Variants in KIAA0825 observed in about 807,000 individuals in gnomAD.
KIAA0825 encodes the protein KIAA0825.
In KIAA0825, 119 loss-of-function variants were observed where a neutral mutation model predicts 147.6. That is an observed-to-expected ratio of 0.81 (90% CI 0.69 to 0.94). The LOEUF is 0.94. KIAA0825 is among the 40% of genes least tolerant of loss of function. KIAA0825 has a pLI of 0.00. For synonymous variants in KIAA0825, 470 were observed against 518.1 expected, an observed-to-expected ratio of 0.91 and a Z score of 1.26; for missense variants, 1,381 against 1,472.7, an observed-to-expected ratio of 0.94 and a Z score of 1.02.
At chr5:94,214,935 T>C (rs1236072245) in intron 20 of KIAA0825, among the ~76,000 whole-genome samples, 1 of 152,192 alleles carries the variant, frequency 6.6e-6, no homozygotes, top group Non-Finnish European at 1.5e-5. Context: ...ATTATACACA[T>C]GAAATGCAAC....
chr5:94,275,211 G>C (rs534985786), intron 20 of KIAA0825, among the ~76,000 whole-genome samples: 2 of 152,198 alleles, frequency 1.3e-5, no homozygotes, highest in African/African-American at 4.8e-5. Flanking sequence ...TTATAATCTA[G>C]ATATACAGAT....
At chr5:94,386,208 C>A in intron 19 of KIAA0825, 34 bp downstream of exon 19, 1 of 1,517,406 alleles carries the variant, frequency 6.6e-7, no homozygotes. Flanking sequence ...AAAGAAACCA[C>A]ACATTTAAAT....
At chr5:94,408,643 G>A (rs1357524151) in intron 15 of KIAA0825, among the ~76,000 whole-genome samples, 1 of 152,102 alleles carries the variant, frequency 6.6e-6, no homozygotes, top group Non-Finnish European at 1.5e-5. Flanking sequence ...AAAGTGTTGG[G>A]ATTACAGGCA....
intron 1 of KIAA0825, among the ~76,000 whole-genome samples, chr5:94,604,019 C>A (rs563314831): frequency 3.3e-5 from 5 of 152,222 alleles, no homozygotes; most frequent in African/African-American, 1.2e-4. Flanking sequence ...GATAGATGAA[C>A]AAGACAGAAA....
At position 94,152,054 on chromosome 5, in the gene KIAA0825, A is replaced by G. The variant is rs185760118; in HGVS notation, c.*1953T>C. Reference sequence around the variant, plus strand: ...GGTCTTCATAGAATTTTTAGAAATTACTTCAACCAAATCTTAAAAACACTT... The same window carrying G: ...GGTCTTCATAGAATTTTTAGAAATTGCTTCAACCAAATCTTAAAAACACTT... On this transcript the variant is annotated 3_prime_UTR_variant, in exon 21 of 21. Coordinates refer to ENST00000682413, the MANE Select transcript of KIAA0825 (RefSeq NM_001145678.3). Among the ~76,000 whole-genome samples, 1 of 152,358 alleles carries G rather than the reference A, an allele frequency of 6.6e-6. No homozygotes were observed. The highest frequency in any genetic ancestry group is 6.5e-5 in the Admixed American group (1 of 15,306).
intron 20 of KIAA0825, among the ~76,000 whole-genome samples, chr5:94,298,641 C>T (rs1778250421): frequency 6.6e-6 from 1 of 152,156 alleles, no homozygotes; most frequent in East Asian, 1.9e-4. Context: ...TTTTCCCCTC[C>T]TTTCTCACAT....
intron 20 of KIAA0825, among the ~76,000 whole-genome samples, chr5:94,326,373 A>G (rs897972009): frequency 6.6e-6 from 1 of 152,202 alleles, no homozygotes; most frequent in African/African-American, 2.4e-5. Context: ...ACGAAAGTTT[A>G]TAAGTGCTTC....
chr5:94,538,591 T>G (rs1364141951), intron 2 of KIAA0825, among the ~76,000 whole-genome samples: 1 of 152,198 alleles, frequency 6.6e-6, no homozygotes, highest in African/African-American at 2.4e-5. Flanking sequence ...GCCACTACCA[T>G]TCATTTGGTT....
At chr5:94,292,274 T>C (rs1777933755) in intron 20 of KIAA0825, among the ~76,000 whole-genome samples, 1 of 152,196 alleles carries the variant, frequency 6.6e-6, no homozygotes, top group Non-Finnish European at 1.5e-5. Context: ...TATTTTGAGA[T>C]ACGTTCCATC....
intron 20 of KIAA0825, among the ~76,000 whole-genome samples, chr5:94,248,337 T>C: frequency 6.6e-6 from 1 of 152,134 alleles, no homozygotes; most frequent in East Asian, 1.9e-4. Flanking sequence ...TGAAATTGTG[T>C]CCTGATTTGA....
chr5:94,231,462 A>G (rs1031471331), intron 20 of KIAA0825, among the ~76,000 whole-genome samples: 8 of 152,270 alleles, frequency 5.3e-5, no homozygotes, highest in Middle Eastern at 3.4e-3. Context: ...TCAAACGTGA[A>G]TCAAACAGTT....
intron 20 of KIAA0825, among the ~76,000 whole-genome samples, chr5:94,279,422 T>C (rs542851973): frequency 6.6e-6 from 1 of 152,168 alleles, no homozygotes; most frequent in Non-Finnish European, 1.5e-5. Flanking sequence ...TGCCACAATA[T>C]ACAAAATACC....
Position 94,480,330 on chromosome 5 carries a change from G to A in KIAA0825, c.1133-3125C>T, listed in dbSNP as rs549095852. Among the ~76,000 whole-genome samples, 5 of 152,076 alleles carry A rather than the reference G, an allele frequency of 3.3e-5. No homozygotes were observed. In the East Asian group the frequency reaches 9.6e-4, roughly 29 times the overall value. ...TCTACATAGTATGACAAGGTTTTGA[G>A]TTATTTTTAACATGGAGGTATGTAT... On this transcript the variant is annotated intron_variant, in intron 6 of 20. Transcript: ENST00000682413.
intron 20 of KIAA0825, among the ~76,000 whole-genome samples, chr5:94,162,780 T>G (rs1767699840): frequency 6.6e-6 from 1 of 152,230 alleles, no homozygotes; most frequent in South Asian, 2.1e-4. Flanking sequence ...GTAGCATATT[T>G]CAAATAACTA....
intron 14 of KIAA0825, among the ~76,000 whole-genome samples, chr5:94,431,210 T>A (rs1466460880): frequency 6.6e-6 from 1 of 152,208 alleles, no homozygotes; most frequent in Non-Finnish European, 1.5e-5. Flanking sequence ...ATGCACTGAG[T>A]ACTTTATGTT....
At chr5:94,522,600 T>G (rs571885304) in intron 4 of KIAA0825, among the ~76,000 whole-genome samples, 2 of 151,728 alleles carry the variant, frequency 1.3e-5, no homozygotes, top group East Asian at 3.9e-4. Flanking sequence ...AACAAGAAAT[T>G]TTCTATGAAA....
At chr5:94,538,184 A>C (rs1772485294) in intron 2 of KIAA0825, among the ~76,000 whole-genome samples, 1 of 152,226 alleles carries the variant, frequency 6.6e-6, no homozygotes. Flanking sequence ...TATTTAATCA[A>C]AAATCATACG....
At chr5:94,278,185 T>C (rs1385065107) in intron 20 of KIAA0825, among the ~76,000 whole-genome samples, 1 of 151,966 alleles carries the variant, frequency 6.6e-6, no homozygotes, top group Non-Finnish European at 1.5e-5. Context: ...AGCTAGATGA[T>C]GGGTTGATAG....
chr5:94,259,144 GAA>G (rs1197139430), intron 20 of KIAA0825, among the ~76,000 whole-genome samples: 2 of 152,016 alleles, frequency 1.3e-5, no homozygotes, highest in African/African-American at 4.8e-5. Context: ...ATTATTAAGA[GAA>G]TTCCTGCAGT....
Sources: allele counts gnomAD v4.1 joint callset (sites outside exome capture counted in the v4.1 genomes callset), GRCh38; gene constraint gnomAD v4.1.1; transcripts MANE v1.5; gene names NCBI Gene and HGNC (gene_info 2026-07-23, HGNC 2026-07-21).